Variants in EP400 observed in about 807,000 individuals in gnomAD.
EP400 encodes E1A-binding protein p400.
A neutral mutation model predicts 354.1 loss-of-function variants in EP400; 105 were observed. The ratio of observed to expected loss-of-function variants is 0.30; its 90% CI spans 0.25 to 0.35. The LOEUF (loss-of-function observed/expected upper bound fraction) is 0.35. EP400 is among the 10% of genes least tolerant of loss of function. The probability of loss-of-function intolerance (pLI) is 1.00; values close to 1 mark genes in which losing one functional copy is unlikely to be tolerated. For synonymous variants in EP400, 1,646 were observed against 1,716.9 expected (o/e 0.96, Z 1.02); for missense variants, 3,280 against 4,121.0 (o/e 0.80, Z 5.59).
intron 51 of EP400, among the ~76,000 whole-genome samples, chr12:132,071,904 A>T (rs750526736): frequency 3.9e-5 from 6 of 152,190 alleles, no homozygotes; most frequent in African/African-American, 7.2e-5. Flanking sequence ...AGCAAGCCCC[A>T]TGAGTACAGG....
At position 132,029,938 on chromosome 12, in the gene EP400, G is replaced by A; in HGVS notation, c.5584+35G>A. 6.2e-7 allele frequency: 1 copy of A among 1,611,684 alleles called. No individual in the cohort carries two copies. The highest frequency in any genetic ancestry group is 8.5e-7 in the Non-Finnish European group (1 of 1,179,494). ...AGTTGGGGGCGTGGCCCGTGCGGGA[G>A]CTGCACCGGCCCTGGATGATGAGGC... On this transcript the variant is annotated intron_variant, in intron 28 of 52. Coordinates refer to ENST00000389561, the MANE Select transcript of EP400 (RefSeq NM_015409.5). The surrounding 1 kb of genome is among the most constrained non-coding windows in gnomAD (Gnocchi z 4.7).
At chr12:132,028,607 A>G (rs953567625) in intron 27 of EP400, among the ~76,000 whole-genome samples, 10 of 152,242 alleles carry the variant, frequency 6.6e-5, no homozygotes, top group African/African-American at 1.2e-4. Context: ...CTTTCAAAAA[A>G]TGATTGCATT....
chr12:132,040,773 A>G (rs1593367091), intron 32 of EP400, among the ~76,000 whole-genome samples: 2 of 152,066 alleles, frequency 1.3e-5, no homozygotes, highest in Non-Finnish European at 2.9e-5. Context: ...AGTGTGGCTG[A>G]GGGGGTGGGG....
At chr12:132,045,255 C>G in intron 37 of EP400, 64 bp from the exon 38 acceptor site, 1 of 1,587,904 alleles carries the variant, frequency 6.3e-7, no homozygotes, top group South Asian at 1.2e-5. Flanking sequence ...TTTCCTTTGT[C>G]TTTTGCCTGC....
intron 2 of EP400, among the ~76,000 whole-genome samples, chr12:131,975,215 C>T (rs146920050): frequency 6.5e-4 from 99 of 152,194 alleles, no homozygotes; most frequent in Middle Eastern, 6.8e-3. Flanking sequence ...GTCAACAGGG[C>T]GCACAGTCCT....
chr12:132,013,293 C>T lies in EP400; in HGVS notation c.3611+115C>T, dbSNP rs1893823983. 4 of 1,440,002 alleles carry T rather than the reference C, an allele frequency of 2.8e-6. No individual in the cohort carries two copies. Among genetic ancestry groups the T allele is most frequent in the Non-Finnish European group, 1.9e-6 (2 of 1,080,656 alleles). The allele number at this position is 1,440,002 out of a possible 1,614,324, so 89.2% of individuals were successfully genotyped here. On this transcript the variant is annotated intron_variant, in intron 17 of 52. Transcript: ENST00000389561. The surrounding 1 kb of genome is among the most constrained non-coding windows in gnomAD (Gnocchi z 4.5). ...CAATGGCCTTTGAGCTAGAGAATTGCTTTTCATCTTCATCCCAGCACATGG... is the reference window on the plus strand; with the variant it reads ...CAATGGCCTTTGAGCTAGAGAATTGTTTTTCATCTTCATCCCAGCACATGG...
intron 2 of EP400, among the ~76,000 whole-genome samples, chr12:131,969,198 A>G (rs767357613): frequency 2.0e-5 from 3 of 152,184 alleles, no homozygotes; most frequent in Non-Finnish European, 4.4e-5. Context: ...TTTTACTCCT[A>G]GTATATCATG....
At chr12:131,973,018 C>T (rs950969403) in intron 2 of EP400, among the ~76,000 whole-genome samples, 1 of 152,172 alleles carries the variant, frequency 6.6e-6, no homozygotes, top group Non-Finnish European at 1.5e-5. Context: ...AGGCATGAGC[C>T]ACCATGCCTG....
chr12:132,071,737 G>GTGCACCCCTCTGCACTTGCTCCTC (rs1222911073), intron 51 of EP400, among the ~76,000 whole-genome samples: 1 of 152,146 alleles, frequency 6.6e-6, no homozygotes, highest in African/African-American at 2.4e-5. Context: ...CTCCTGGCCT[G>GTGCACCCCTCTGCACTTGCTCCTC]TGCACCCCTC....
chr12:131,992,120 C>T, intron 10 of EP400, 53 bp from the exon 11 acceptor site: 1 of 1,582,826 alleles, frequency 6.3e-7, no homozygotes, highest in Middle Eastern at 1.7e-4. Context: ...TCTTGGTTTC[C>T]CATTCTGAGT....
chr12:132,021,271 C>A lies in EP400; in HGVS notation c.4640C>A (p.Ala1547Glu). Reference protein sequence around the residue: ...QAPSHAAGQSALPQRLVLPSQ... With the variant: ...QAPSHAAGQSELPQRLVLPSQ... ...CCCTCGCACGCGGCCGGGCAGAGCG[C>A]GCTGCCTCAGAGGCTGGTGCTCCCC... Residue 1547 changes from alanine (A) to glutamate (E), a missense_variant, in exon 23 of 53, where the codon GCG becomes GAG. Ala to Glu is a moderately radical substitution (Grantham distance 107). Around this residue, in one of 20 missense-constraint regions of EP400, gnomAD observed 342 missense variants for 342.7 expected, o/e 1.00. Coordinates refer to ENST00000389561, the MANE Select transcript of EP400 (RefSeq NM_015409.5). 6.5e-7 allele frequency: 1 copy of A among 1,532,014 alleles called. No homozygotes were observed. The highest frequency in any genetic ancestry group is 8.7e-7 in the Non-Finnish European group (1 of 1,145,314). The allele number at this position is 1,532,014 out of a possible 1,614,324, so 94.9% of individuals were successfully genotyped here. A position where few individuals can be genotyped will look rare whatever the true frequency, so the allele number is the denominator to read the frequency against.
intron 15 of EP400, 110 bp downstream of exon 15, chr12:132,006,987 C>T (rs1003045141): frequency 1.8e-5 from 22 of 1,249,836 alleles, no homozygotes; most frequent in Non-Finnish European, 2.2e-5. Context: ...CTTCTTTGCT[C>T]CTATCTGTTG....
intron 2 of EP400, among the ~76,000 whole-genome samples, chr12:131,965,989 A>G (rs1271527925): frequency 2.0e-5 from 3 of 152,112 alleles, no homozygotes; most frequent in African/African-American, 7.2e-5. Context: ...CTAGGAGTCA[A>G]AGAGTCTCTC....
intron 47 of EP400, 42 bp from the exon 48 acceptor site, chr12:132,064,626 C>T: frequency 1.9e-6 from 3 of 1,592,638 alleles, no homozygotes; most frequent in Non-Finnish European, 2.6e-6. Flanking sequence ...AAGAATGGAG[C>T]ACAGTTAATG....
intron 2 of EP400, among the ~76,000 whole-genome samples, chr12:131,977,933 G>C (rs1382998414): frequency 6.6e-6 from 1 of 152,138 alleles, no homozygotes; most frequent in Non-Finnish European, 1.5e-5. Context: ...GCTTTGTTTA[G>C]GTATCTGTAA....
rs1478369780 is a variant in EP400, at chr12:132,038,777, A to G, written c.6207+681A>G. 6.6e-6 allele frequency among the ~76,000 whole-genome samples: 1 copy of G among 152,036 alleles called. No individual in the cohort carries two copies. The highest frequency in any genetic ancestry group is 1.5e-5 in the Non-Finnish European group (1 of 67,994). ...TCCCTGTCCCCGTGGCTTGCCCGCC[A>G]AAGCCCTGCAGCCCCACGTCCTGGA... On this transcript the variant is annotated intron_variant, in intron 32 of 52. Coordinates refer to ENST00000389561, the MANE Select transcript of EP400 (RefSeq NM_015409.5). This position sits in a 1 kb window ranked among gnomAD's most constrained non-coding sequence, Gnocchi z 4.2.
chr12:132,048,192 T>C (rs1442497635), intron 39 of EP400, among the ~76,000 whole-genome samples: 1 of 152,150 alleles, frequency 6.6e-6, no homozygotes, highest in Non-Finnish European at 1.5e-5. Flanking sequence ...CCCCTCAGCT[T>C]ACAAAGATGA....
chr12:132,000,584 A>G (rs1477218261), intron 12 of EP400, among the ~76,000 whole-genome samples: 2 of 152,074 alleles, frequency 1.3e-5, no homozygotes, highest in East Asian at 1.9e-4. Flanking sequence ...ATGAGTACCT[A>G]TTTCTCCTTA....
intron 12 of EP400, among the ~76,000 whole-genome samples, chr12:131,998,871 A>G (rs1194883667): frequency 1.9e-5 from 2 of 107,682 alleles, no homozygotes; most frequent in Middle Eastern, 6.4e-3. Context: ...ACAGTCTTGT[A>G]TACAAAGACT....
Sources: allele counts gnomAD v4.1 joint callset (sites outside exome capture counted in the v4.1 genomes callset), GRCh38; gene constraint gnomAD v4.1.1; regional missense constraint gnomAD v4.1.1; non-coding constraint Gnocchi (gnomAD v3.1); transcripts MANE v1.5; gene names NCBI Gene and HGNC (gene_info 2026-07-23, HGNC 2026-07-21).